Variants in EIF4G3 observed in about 807,000 individuals in gnomAD.
The protein encoded by EIF4G3 is eukaryotic translation initiation factor 4 gamma 3.
A neutral mutation model predicts 186.4 loss-of-function variants in EIF4G3; 34 were observed. The ratio of observed to expected loss-of-function variants is 0.18; its 90% CI spans 0.14 to 0.24. EIF4G3 has a LOEUF of 0.24. EIF4G3 is among the 10% of genes least tolerant of loss of function. The pLI is 1.00. For synonymous variants in EIF4G3, 673 were observed against 679.5 expected (o/e 0.99, Z 0.15); for missense variants, 1,536 against 1,948.5 (o/e 0.79, Z 3.99).
chr1:21,173,455 G>A (rs993570876), intron 2 of EIF4G3, among the ~76,000 whole-genome samples: 2 of 152,142 alleles, frequency 1.3e-5, no homozygotes, highest in Non-Finnish European at 2.9e-5. Flanking sequence ...GGGAGGCTGA[G>A]GCAGGCGGAT....
Position 21,089,003 on chromosome 1 carries a change from C to G in EIF4G3, c.-196+135G>C, listed in dbSNP as rs2096087219. 3 of 612,714 alleles carry G rather than the reference C, an allele frequency of 4.9e-6. No homozygotes were observed. The African/African-American group carries it at 5.6e-5, about 11-fold the overall frequency. 38.0% of individuals were successfully genotyped at this position (612,714 alleles called of 1,614,324 possible). On this transcript the variant is annotated intron_variant, in intron 3 of 36. Coordinates refer to ENST00000602326, the MANE Select transcript of EIF4G3 (RefSeq NM_001391906.1). ...TTAAGATGATATGGAAAGGGCCTAT[C>G]ATTCTATTCAGAATTTTATTGAACT...
Position 21,176,851 on chromosome 1 carries a change from A to C in EIF4G3, c.-585T>G. 1 of 701,148 alleles carries C rather than the reference A, an allele frequency of 1.4e-6. No individual in the cohort carries two copies. Among genetic ancestry groups the C allele is most frequent in the Non-Finnish European group, 2.6e-6 (1 of 383,838 alleles). The allele number at this position is 701,148 out of a possible 1,614,324, so 43.4% of individuals were successfully genotyped here. A position where few individuals can be genotyped will look rare whatever the true frequency, so the allele number is the denominator to read the frequency against. ...ATTTTCTTCACTCAACGAGCAGAGC[A>C]TCCAACATGGCGCTGTGGCCGCCTC... On this transcript the variant is annotated 5_prime_UTR_variant, in exon 1 of 37. The change abolishes an upstream ATG in the 5' untranslated region. Coordinates refer to ENST00000602326, the MANE Select transcript of EIF4G3 (RefSeq NM_001391906.1).
At chr1:20,818,529 C>T (rs1213226889) in intron 33 of EIF4G3, among the ~76,000 whole-genome samples, 2 of 152,048 alleles carry the variant, frequency 1.3e-5, no homozygotes, top group Non-Finnish European at 2.9e-5. Flanking sequence ...GTGGTCCCAG[C>T]TACTCAGGAG....
chr1:20,928,977 T>A (rs749749931), intron 14 of EIF4G3, among the ~76,000 whole-genome samples: 22 of 152,206 alleles, frequency 1.4e-4, no homozygotes, highest in South Asian at 4.1e-4. Context: ...ACAAATGGAA[T>A]CATATAAAAT....
chr1:21,077,173 G>A (rs753222516), intron 3 of EIF4G3, among the ~76,000 whole-genome samples: 3 of 152,104 alleles, frequency 2.0e-5, no homozygotes, highest in Non-Finnish European at 4.4e-5. Flanking sequence ...AAGATAGGAG[G>A]ACTGCTTGAG....
intron 14 of EIF4G3, among the ~76,000 whole-genome samples, chr1:20,907,395 T>A (rs1466169928): frequency 6.6e-6 from 1 of 152,006 alleles, no homozygotes; most frequent in South Asian, 2.1e-4. Flanking sequence ...TTTTTTAAAT[T>A]TTATTATTAT....
intron 4 of EIF4G3, among the ~76,000 whole-genome samples, chr1:21,048,483 G>T (rs1160830383): frequency 2.0e-5 from 3 of 152,020 alleles, no homozygotes; most frequent in African/African-American, 7.2e-5. Context: ...GTTCCTGGTT[G>T]CTCCTGCAGC....
chr1:20,963,269 T>C (rs1432675678), intron 12 of EIF4G3, among the ~76,000 whole-genome samples: 1 of 152,190 alleles, frequency 6.6e-6, no homozygotes, highest in Non-Finnish European at 1.5e-5. Flanking sequence ...TTAGGCAATA[T>C]GTCATCTGGA....
chr1:21,153,340 CTAT>C (rs1405676556), intron 2 of EIF4G3, among the ~76,000 whole-genome samples: 2 of 152,326 alleles, frequency 1.3e-5, no homozygotes, highest in Non-Finnish European at 2.9e-5. Flanking sequence ...TAACTATCTA[CTAT>C]GACAGCTACC....
chr1:20,900,374 G>A (rs2089875190), intron 15 of EIF4G3, among the ~76,000 whole-genome samples: 1 of 152,100 alleles, frequency 6.6e-6, no homozygotes, highest in South Asian at 2.1e-4. Context: ...ACAGTCTGGA[G>A]AATAGCTTAA....
chr1:21,166,437 T>C (rs948083751), intron 2 of EIF4G3, among the ~76,000 whole-genome samples: 1 of 151,318 alleles, frequency 6.6e-6, no homozygotes, highest in Non-Finnish European at 1.5e-5. Context: ...CTCGAAAAAA[T>C]GAATAAGCTG....
At chr1:21,044,833 T>C (rs1233373331) in intron 4 of EIF4G3, among the ~76,000 whole-genome samples, 1 of 152,064 alleles carries the variant, frequency 6.6e-6, no homozygotes, top group Non-Finnish European at 1.5e-5. Flanking sequence ...ACATCTTTTG[T>C]AGAGACAGGG....
intron 2 of EIF4G3, 54 bp downstream of exon 2, chr1:21,176,121 C>T: frequency 6.1e-6 from 2 of 330,096 alleles, no homozygotes; most frequent in Admixed American, 4.9e-5. Context: ...TGCGGGGTCC[C>T]CCTGGACTGC....
intron 15 of EIF4G3, among the ~76,000 whole-genome samples, chr1:20,901,414 T>C (rs1472231124): frequency 6.6e-6 from 1 of 152,146 alleles, no homozygotes; most frequent in African/African-American, 2.4e-5. Flanking sequence ...AGTATGTAAA[T>C]GGTATTTAAA....
At chr1:21,169,429 C>T (rs1311032448) in intron 2 of EIF4G3, among the ~76,000 whole-genome samples, 1 of 152,034 alleles carries the variant, frequency 6.6e-6, no homozygotes, top group African/African-American at 2.4e-5. Flanking sequence ...GCCTGGGAAA[C>T]AGGGCAACAC....
intron 14 of EIF4G3, among the ~76,000 whole-genome samples, chr1:20,932,533 A>T (rs1341115460): frequency 3.9e-5 from 6 of 152,030 alleles, no homozygotes; most frequent in Non-Finnish European, 7.4e-5. Context: ...TCTTCCTTTC[A>T]CTTGAACACT....
intron 4 of EIF4G3, among the ~76,000 whole-genome samples, chr1:21,028,226 A>G (rs746934559): frequency 6.6e-6 from 1 of 152,234 alleles, no homozygotes; most frequent in Admixed American, 6.5e-5. Context: ...TGATCACTGC[A>G]TATTATCAAT....
chr1:21,074,479 A>T (rs558363885), intron 3 of EIF4G3, among the ~76,000 whole-genome samples: 13 of 152,328 alleles, frequency 8.5e-5, no homozygotes, highest in African/African-American at 2.9e-4. Flanking sequence ...AAATACAAAA[A>T]TCTGGATTTC....
chr1:21,123,479 C>T (rs756151711), intron 2 of EIF4G3, among the ~76,000 whole-genome samples: 1 of 150,816 alleles, frequency 6.6e-6, no homozygotes, highest in Non-Finnish European at 1.5e-5. Flanking sequence ...CACGAGATAT[C>T]GCTTGAACCT....
Sources: allele counts gnomAD v4.1 joint callset (sites outside exome capture counted in the v4.1 genomes callset), GRCh38; gene constraint gnomAD v4.1.1; transcripts MANE v1.5; gene names NCBI Gene and HGNC (gene_info 2026-07-23, HGNC 2026-07-21).